COX7B2: variants seen among roughly 807,000 people sequenced by gnomAD.
COX7B2 encodes the protein cytochrome c oxidase subunit 7B2.
For missense variants in COX7B2, 109 were observed against 95.9 expected (o/e 1.14, Z -0.57); for synonymous variants, 37 against 32.1 (o/e 1.15, Z -0.51).
At chr4:46,848,227 C>T (rs904427259) in intron 1 of COX7B2, among the ~76,000 whole-genome samples, 8 of 152,048 alleles carry the variant, frequency 5.3e-5, no homozygotes, top group African/African-American at 1.9e-4. Context: ...AACTCACTAA[C>T]TAATGCTAAT....
At chr4:46,867,049 T>G (rs1717707740) in intron 1 of COX7B2, among the ~76,000 whole-genome samples, 1 of 152,206 alleles carries the variant, frequency 6.6e-6, no homozygotes. Flanking sequence ...TGGCCCTTGC[T>G]TATTACCTCT....
intron 2 of COX7B2, among the ~76,000 whole-genome samples, chr4:46,802,724 A>G (rs1049409746): frequency 2.6e-5 from 4 of 152,202 alleles, no homozygotes; most frequent in Admixed American, 2.6e-4. Flanking sequence ...CACATTGGCA[A>G]AGTGTCTCAT....
chr4:46,812,340 G>A (rs1719325301), intron 2 of COX7B2, among the ~76,000 whole-genome samples: 1 of 150,356 alleles, frequency 6.7e-6, no homozygotes, highest in South Asian at 2.1e-4. Flanking sequence ...TCTGACCCTG[G>A]GAGGCACCAG....
At chr4:46,836,281 C>T (rs1019199461) in intron 2 of COX7B2, among the ~76,000 whole-genome samples, 26 of 152,054 alleles carry the variant, frequency 1.7e-4, no homozygotes, top group Non-Finnish European at 1.2e-4. Context: ...TAGCTCAAAA[C>T]ACAAACACTG....
intron 2 of COX7B2, among the ~76,000 whole-genome samples, chr4:46,804,649 TG>T (rs1218220568): frequency 1.3e-5 from 2 of 152,232 alleles, no homozygotes; most frequent in Non-Finnish European, 2.9e-5. Context: ...GGGTGCTGCT[TG>T]GTGTGTTTAC....
At chr4:46,886,749 AT>A (rs1719106537) in intron 1 of COX7B2, among the ~76,000 whole-genome samples, 1 of 152,278 alleles carries the variant, frequency 6.6e-6, no homozygotes, top group African/African-American at 2.4e-5. Context: ...CTAAACATGA[AT>A]TTTTTTCTCA....
At chr4:46,883,876 C>A (rs979740718) in intron 1 of COX7B2, among the ~76,000 whole-genome samples, 25 of 152,070 alleles carry the variant, frequency 1.6e-4, no homozygotes, top group African/African-American at 5.8e-4. Flanking sequence ...TATCTTGTCT[C>A]TTCTCCTTAT....
intron 2 of COX7B2, among the ~76,000 whole-genome samples, chr4:46,762,244 TATATATTTAATATA>T (rs1339676920): frequency 7.0e-6 from 1 of 142,184 alleles, no homozygotes; most frequent in Non-Finnish European, 1.5e-5. Context: ...TTAAATATAT[TATATATTTAATATA>T]TAATATATTT....
At chr4:46,880,412 C>CTTTT (rs548281459) in intron 1 of COX7B2, among the ~76,000 whole-genome samples, 6 of 85,614 alleles carry the variant, frequency 7.0e-5, no homozygotes, top group East Asian at 3.7e-4. Flanking sequence ...AGGTCCTGGG[C>CTTTT]TTTTTTTTTT....
chr4:46,735,017 G>A lies in COX7B2; in HGVS notation c.176C>T (p.Thr59Ile). ...FCVATWVFTA[T>I]QIGIEWNLSP... is the part of the protein sequence containing the mutation. The stretch of plus-strand genomic sequence containing the variant: ...TAGGTTCCATTCTATTCCAATCTGA[G>A]TGGCTGTAAACACCCATGTAGCAAC... Residue 59 changes from threonine to isoleucine, a missense_variant, in exon 3 of 3, where the codon ACT (threonine) becomes ATT (isoleucine). Thr to Ile is a moderately conservative substitution (Grantham distance 89). Transcript: ENST00000355591. 2 of 1,613,950 alleles carry A rather than the reference G, an allele frequency of 1.2e-6. No homozygotes were observed. Among genetic ancestry groups the A allele is most frequent in the Non-Finnish European group, 1.7e-6 (2 of 1,179,866 alleles).
At chr4:46,764,102 C>A (rs201455723) in intron 2 of COX7B2, among the ~76,000 whole-genome samples, 1 of 152,180 alleles carries the variant, frequency 6.6e-6, no homozygotes, top group Non-Finnish European at 1.5e-5. Flanking sequence ...AAAATGATTT[C>A]TCTTCTAGAA....
intron 2 of COX7B2, among the ~76,000 whole-genome samples, chr4:46,778,782 T>C (rs1189043223): frequency 6.6e-6 from 1 of 152,118 alleles, no homozygotes; most frequent in Non-Finnish European, 1.5e-5. Context: ...GTTACTTCAG[T>C]GAGTAGAATA....
intron 2 of COX7B2, among the ~76,000 whole-genome samples, chr4:46,763,930 T>A (rs970653604): frequency 9.2e-5 from 14 of 152,308 alleles, no homozygotes; most frequent in Non-Finnish European, 1.9e-4. Context: ...AGCCTGAATA[T>A]AATTTAGCTA....
chr4:46,750,508 G>A (rs972261496), intron 2 of COX7B2, among the ~76,000 whole-genome samples: 1 of 146,650 alleles, frequency 6.8e-6, no homozygotes, highest in Admixed American at 7.1e-5. Context: ...AACTATTAAA[G>A]AGTCCAGATA....
At chr4:46,789,645 C>T (rs967050551) in intron 2 of COX7B2, among the ~76,000 whole-genome samples, 4 of 152,016 alleles carry the variant, frequency 2.6e-5, no homozygotes, top group East Asian at 3.9e-4. Context: ...ACAAAAAAAG[C>T]GAATTGCCAT....
intron 2 of COX7B2, among the ~76,000 whole-genome samples, chr4:46,743,862 C>T (rs914594399): frequency 5.3e-5 from 8 of 152,148 alleles, no homozygotes; most frequent in African/African-American, 1.9e-4. Context: ...TGTTACATCA[C>T]TGTACTCATT....
intron 2 of COX7B2, among the ~76,000 whole-genome samples, chr4:46,751,974 TG>T (rs1715411388): frequency 1.3e-5 from 2 of 152,172 alleles, no homozygotes; most frequent in South Asian, 4.1e-4. Flanking sequence ...CGTAGCTTGA[TG>T]GGGATGGCAT....
At chr4:46,875,660 C>G (rs1331333631) in intron 1 of COX7B2, among the ~76,000 whole-genome samples, 2 of 152,022 alleles carry the variant, frequency 1.3e-5, no homozygotes, top group Admixed American at 6.6e-5. Flanking sequence ...GAAACAGCAT[C>G]CCATTTTAGT....
At chr4:46,762,206 T>C (rs1435723863) in intron 2 of COX7B2, among the ~76,000 whole-genome samples, 1 of 143,948 alleles carries the variant, frequency 6.9e-6, no homozygotes, top group Non-Finnish European at 1.5e-5. Flanking sequence ...AATTATAATA[T>C]ACATTTAATA....
Sources: gnomAD v4.1 joint callset for allele counts (sites outside exome capture counted in the v4.1 genomes callset) on GRCh38, gnomAD v4.1.1 for gene constraint, MANE v1.5 for transcripts, NCBI Gene and HGNC (gene_info 2026-07-23, HGNC 2026-07-21) for gene names.